The following ANOS1 variants were observed in gnomAD, a reference collection of about 807,000 sequenced individuals.
The protein encoded by ANOS1 is anosmin-1.
A neutral mutation model predicts 59.0 loss-of-function variants in ANOS1; 6 were observed. That is an observed-to-expected ratio of 0.10 (90% CI 0.06 to 0.20). The LOEUF is 0.20. Ranked by LOEUF, ANOS1 falls within the 10% of genes least tolerant of loss-of-function variation. The pLI is 1.00. For synonymous variants in ANOS1, 217 were observed against 223.4 expected (o/e 0.97, Z 0.25); for missense variants, 433 against 542.3 (o/e 0.80, Z 2.00).
At chrX:8,600,287 T>C (rs199720981) in intron 3 of ANOS1, among the ~76,000 whole-genome samples, 2 of 112,503 alleles carry the variant, frequency 1.8e-5, no homozygotes, top group East Asian at 5.5e-4. Flanking sequence ...ATTGTAAATT[T>C]AGTGGATGAC....
intron 2 of ANOS1, among the ~76,000 whole-genome samples, chrX:8,688,852 C>T (rs1932562036): frequency 8.9e-6 from 1 of 111,922 alleles, no homozygotes; most frequent in South Asian, 3.7e-4. Context: ...GTTTCAGCTA[C>T]CACAGGCTAA....
At chrX:8,598,303 G>C (rs1216289789) in intron 3 of ANOS1, among the ~76,000 whole-genome samples, 1 of 111,786 alleles carries the variant, frequency 8.9e-6, no homozygotes, top group East Asian at 2.8e-4. Context: ...ACTTATTAGA[G>C]GAATGCATTA....
chrX:8,714,514 G>A lies in ANOS1; in HGVS notation c.208-14769C>T, dbSNP rs191202755. ...ATAACCATTAAAAAAAAATCTAATT[G>A]AAAAAACGTACCGTGCCCCAGAGAT... On this transcript the variant is annotated intron_variant, in intron 1 of 13. Transcript: ENST00000262648. 1.6e-4 allele frequency among the ~76,000 whole-genome samples: 18 copies of A among 111,110 alleles called. No individual in the cohort carries two copies. The East Asian group carries it at 4.8e-3, about 30-fold the overall frequency.
intron 2 of ANOS1, among the ~76,000 whole-genome samples, chrX:8,673,555 G>A (rs1014147508): frequency 5.5e-5 from 6 of 109,400 alleles, no homozygotes; most frequent in African/African-American, 1.7e-4. Context: ...CTGGTGGGAC[G>A]TCAGCCTTCT....
At chrX:8,581,551 T>C (rs779218659) in intron 6 of ANOS1, among the ~76,000 whole-genome samples, 1 of 111,954 alleles carries the variant, frequency 8.9e-6, no homozygotes, top group African/African-American at 3.2e-5. Context: ...ACTGAATTCA[T>C]AGTAGATTCC....
chrX:8,587,128 GTGTGT>G (rs1414326089), intron 5 of ANOS1, among the ~76,000 whole-genome samples: 2 of 102,938 alleles, frequency 1.9e-5, no homozygotes, highest in African/African-American at 7.0e-5. Context: ...GTTTGTGTGT[GTGTGT>G]GGGGGGGTGG....
At chrX:8,640,631 GT>G (rs1293138238) in intron 2 of ANOS1, among the ~76,000 whole-genome samples, 17 of 100,255 alleles carry the variant, frequency 1.7e-4, no homozygotes, top group Non-Finnish European at 2.6e-4. Flanking sequence ...CGCATTTCTT[GT>G]TTTTTTTTTC....
At chrX:8,681,869 A>G (rs185218395) in intron 2 of ANOS1, among the ~76,000 whole-genome samples, 1 of 112,327 alleles carries the variant, frequency 8.9e-6, no homozygotes, top group Non-Finnish European at 1.9e-5. Flanking sequence ...AGATCAAGCC[A>G]AAGTTACTAT....
intron 6 of ANOS1, among the ~76,000 whole-genome samples, chrX:8,582,734 G>C (rs188145937): frequency 9.0e-6 from 1 of 111,442 alleles, no homozygotes. Flanking sequence ...GTGGGGATCC[G>C]AAAGCAGGAA....
chrX:8,708,655 A>G (rs1338302351), intron 1 of ANOS1, among the ~76,000 whole-genome samples: 1 of 111,887 alleles, frequency 8.9e-6, no homozygotes, highest in Non-Finnish European at 1.9e-5. Context: ...ATCCTTTTAC[A>G]CTGTTGGTGG....
chrX:8,626,111 C>CAAAAAAAAAAAAAAAA lies in ANOS1; in HGVS notation c.256-2457_256-2442dup, dbSNP rs138234272. Among the ~76,000 whole-genome samples, 13 of 24,520 alleles carry CAAAAAAAAAAAAAAAA rather than the reference C, an allele frequency of 5.3e-4. 1 individual carries two copies. Among genetic ancestry groups the CAAAAAAAAAAAAAAAA allele is most frequent in the African/African-American group, 1.8e-3 (12 of 6,489 alleles). The allele number at this position is 24,520 out of a possible 115,157, so 21.3% of individuals were successfully genotyped here. The stretch of plus-strand genomic sequence containing the variant: ...TGGATGACAGAGCAAGACTCTGTCT[C>CAAAAAAAAAAAAAAAA]AAAAAAAAAAAAAAAAAAAAAAAAA... On this transcript the variant is annotated intron_variant, in intron 2 of 13. Transcript: ENST00000262648.
rs184651151 is a variant in ANOS1, at chrX:8,708,156, G to A, written c.208-8411C>T. 3.3e-3 allele frequency among the ~76,000 whole-genome samples: 368 copies of A among 112,275 alleles called. 1 individual carries two copies. Among genetic ancestry groups the A allele is most frequent in the Non-Finnish European group, 4.6e-3 (246 of 53,249 alleles). On this transcript the variant is annotated intron_variant, in intron 1 of 13. Coordinates refer to ENST00000262648, the MANE Select transcript of ANOS1 (RefSeq NM_000216.4). ...GGAGAATTGCTTGAATCCAGGAGGCGGAGGTTGCAGTGAGCTGAGATCACA... is the reference window on the plus strand; with the variant it reads ...GGAGAATTGCTTGAATCCAGGAGGCAGAGGTTGCAGTGAGCTGAGATCACA...
At chrX:8,678,842 A>G (rs1357701530) in intron 2 of ANOS1, among the ~76,000 whole-genome samples, 1 of 112,027 alleles carries the variant, frequency 8.9e-6, no homozygotes, top group Non-Finnish European at 1.9e-5. Flanking sequence ...CGTGAGCCCC[A>G]ACAGTTGTAA....
In ANOS1 at chrX:8,636,070, T is replaced by TA. The variant is rs913917118; in HGVS notation, c.256-12401dup. Among the ~76,000 whole-genome samples the TA allele has an allele frequency of 2.1e-4, 23 of 108,431 alleles. No individual in the cohort carries two copies. The East Asian group carries it at 2.6e-3, about 12-fold the overall frequency. 94.2% of individuals were successfully genotyped at this position (108,431 alleles called of 115,157 possible). The stretch of plus-strand genomic sequence containing the variant: ...TTCTGACATCACTGTGCTGCAAGGT[T>TA]AAAAAAAAAACTGTGACAAGTTGAA... On this transcript the variant is annotated intron_variant, in intron 2 of 13. Transcript: ENST00000262648.
At chrX:8,606,019 T>A (rs12850266) in intron 3 of ANOS1, among the ~76,000 whole-genome samples, 41,436 of 109,750 alleles carry the variant, frequency 0.38, 5,783 homozygotes, top group South Asian at 0.42. Flanking sequence ...TGCCATGCAA[T>A]GGCAAAACCT....
At chrX:8,540,792 T>G (rs1347421562) in intron 9 of ANOS1, among the ~76,000 whole-genome samples, 1 of 109,726 alleles carries the variant, frequency 9.1e-6, no homozygotes, top group East Asian at 2.9e-4. Flanking sequence ...GAACTTTAAA[T>G]CCGAGAAAGC....
rs1334278837 is a variant in ANOS1 at position 8,530,855 on chromosome X, C to A, written c.*2140G>T. On this transcript the variant is annotated 3_prime_UTR_variant, in exon 14 of 14. Transcript: ENST00000262648. ...GTTCATGTAAAAGATAAATGGATAG[C>A]TAATAATGAAAAATTTTAATTTTTG... 2.7e-5 allele frequency: 3 copies of A among 110,446 alleles called. No individual in the cohort carries two copies. Among genetic ancestry groups the A allele is most frequent in the African/African-American group, 9.9e-5 (3 of 30,429 alleles). 9.1% of individuals were successfully genotyped at this position (110,446 alleles called of 1,213,427 possible). A position where few individuals can be genotyped will look rare whatever the true frequency, so the allele number is the denominator to read the frequency against.
At chrX:8,673,089 A>G (rs1207538786) in intron 2 of ANOS1, among the ~76,000 whole-genome samples, 1 of 111,464 alleles carries the variant, frequency 9.0e-6, no homozygotes, top group Non-Finnish European at 1.9e-5. Context: ...ATCATTTGTT[A>G]TATCAGATGT....
chrX:8,605,043 A>T (rs1345617872), intron 3 of ANOS1, among the ~76,000 whole-genome samples: 2 of 112,927 alleles, frequency 1.8e-5, no homozygotes, highest in East Asian at 5.5e-4. Context: ...GTTAAACAAG[A>T]TTTTACAATT....
Sources: allele counts gnomAD v4.1 joint callset (sites outside exome capture counted in the v4.1 genomes callset), GRCh38; gene constraint gnomAD v4.1.1; transcripts MANE v1.5; gene names NCBI Gene and HGNC (gene_info 2026-07-23, HGNC 2026-07-21).